Variants in EXOC6B observed in about 807,000 individuals in gnomAD.
EXOC6B encodes the protein SEC15 homolog B.
A neutral mutation model predicts 113.5 loss-of-function variants in EXOC6B; 54 were observed. The ratio of observed to expected loss-of-function variants is 0.48; its 90% CI spans 0.38 to 0.60. The LOEUF is 0.60. Ranked by LOEUF, EXOC6B falls within the 20% of genes least tolerant of loss-of-function variation. The pLI is 0.00. For missense variants in EXOC6B, 797 were observed against 977.5 expected (o/e 0.82, Z 2.46); for synonymous variants, 357 against 339.0 (o/e 1.05, Z -0.58).
chr2:72,484,521 C>G (rs1286850084), intron 16 of EXOC6B, among the ~76,000 whole-genome samples: 3 of 146,922 alleles, frequency 2.0e-5, no homozygotes, highest in African/African-American at 7.6e-5. Flanking sequence ...GAGCCGAGAT[C>G]ACGCCACTGC....
At chr2:72,491,990 T>C (rs547312159) in intron 16 of EXOC6B, among the ~76,000 whole-genome samples, 1 of 152,290 alleles carries the variant, frequency 6.6e-6, no homozygotes, top group East Asian at 1.9e-4. Flanking sequence ...ATTCACTTGA[T>C]TGGAACCTGA....
intron 18 of EXOC6B, among the ~76,000 whole-genome samples, chr2:72,386,530 T>A (rs953248958): frequency 3.3e-5 from 5 of 152,234 alleles, no homozygotes; most frequent in Non-Finnish European, 5.9e-5. Context: ...CTCACTACCC[T>A]GTGCAGCCTC....
At chr2:72,524,163 A>C (rs553400392) in intron 8 of EXOC6B, among the ~76,000 whole-genome samples, 4 of 152,138 alleles carry the variant, frequency 2.6e-5, no homozygotes, top group Admixed American at 6.5e-5. Flanking sequence ...AAAAAAAAAA[A>C]AAAAAAAACT....
At chr2:72,193,481 C>T (rs1055121015) in intron 20 of EXOC6B, among the ~76,000 whole-genome samples, 6 of 152,060 alleles carry the variant, frequency 3.9e-5, no homozygotes, top group Non-Finnish European at 8.8e-5. Context: ...GGGCTTATTT[C>T]GACAAACATA....
intron 20 of EXOC6B, among the ~76,000 whole-genome samples, chr2:72,253,795 T>C (rs1180332325): frequency 6.6e-6 from 1 of 152,106 alleles, no homozygotes; most frequent in African/African-American, 2.4e-5. Flanking sequence ...TGAACCCCTA[T>C]GACATGCAAT....
At chr2:72,500,913 C>A (rs1700285009) in intron 11 of EXOC6B, among the ~76,000 whole-genome samples, 2 of 152,090 alleles carry the variant, frequency 1.3e-5, no homozygotes, top group South Asian at 4.1e-4. Flanking sequence ...TTGTTTTATA[C>A]ATATTGATGC....
chr2:72,565,691 A>G (rs934032166), intron 7 of EXOC6B, among the ~76,000 whole-genome samples: 1 of 152,168 alleles, frequency 6.6e-6, no homozygotes, highest in Non-Finnish European at 1.5e-5. Flanking sequence ...CCTTATTAAG[A>G]TACTCAACTT....
chr2:72,752,296 C>T, intron 1 of EXOC6B, among the ~76,000 whole-genome samples: 1 of 152,102 alleles, frequency 6.6e-6, no homozygotes, highest in Non-Finnish European at 1.5e-5. Flanking sequence ...CTTCTTATCT[C>T]TATGAAATAG....
intron 6 of EXOC6B, among the ~76,000 whole-genome samples, chr2:72,636,331 G>GGGAGGGAAGGAGGGAAGGAAGGAA (rs1553457124): frequency 1.2e-5 from 1 of 80,810 alleles, no homozygotes; most frequent in Non-Finnish European, 2.6e-5. Flanking sequence ...GAGGGAAGGA[G>GGGAGGGAAGGAGGGAAGGAAGGAA]GGAAGGAAGG....
intron 18 of EXOC6B, among the ~76,000 whole-genome samples, chr2:72,446,518 G>A (rs955694203): frequency 6.6e-6 from 1 of 152,118 alleles, no homozygotes; most frequent in Non-Finnish European, 1.5e-5. Context: ...AACTAAAGCA[G>A]GAACAGAAAA....
intron 6 of EXOC6B, among the ~76,000 whole-genome samples, chr2:72,630,043 T>G (rs1672292036): frequency 6.6e-6 from 1 of 152,186 alleles, no homozygotes; most frequent in African/African-American, 2.4e-5. Flanking sequence ...CTCAACAAAT[T>G]GCAAGCCTTA....
At chr2:72,250,413 G>A (rs919165025) in intron 20 of EXOC6B, among the ~76,000 whole-genome samples, 4 of 152,064 alleles carry the variant, frequency 2.6e-5, no homozygotes, top group African/African-American at 9.7e-5. Context: ...CATGATCTTG[G>A]CTCATTGCAA....
chr2:72,588,149 T>G (rs890039909), intron 6 of EXOC6B, among the ~76,000 whole-genome samples: 2 of 152,078 alleles, frequency 1.3e-5, no homozygotes, highest in African/African-American at 4.8e-5. Flanking sequence ...AAAATGAAAT[T>G]AAAACATTAT....
chr2:72,711,737 C>A (rs1381838128), intron 6 of EXOC6B, among the ~76,000 whole-genome samples: 1 of 152,098 alleles, frequency 6.6e-6, no homozygotes, highest in Non-Finnish European at 1.5e-5. Flanking sequence ...TGAACACAAG[C>A]AGTCAATACC....
At chr2:72,460,632 G>T (rs1697570896) in intron 18 of EXOC6B, among the ~76,000 whole-genome samples, 1 of 152,202 alleles carries the variant, frequency 6.6e-6, no homozygotes, top group Non-Finnish European at 1.5e-5. Context: ...GGTCATCAAA[G>T]AAATGCAAAT....
At chr2:72,394,932 G>C (rs1318921924) in intron 18 of EXOC6B, among the ~76,000 whole-genome samples, 1 of 152,002 alleles carries the variant, frequency 6.6e-6, no homozygotes, top group Non-Finnish European at 1.5e-5. Context: ...TTTAAGTGGA[G>C]CCCTCCCAGA....
chr2:72,480,112 G>A (rs1698987561), intron 17 of EXOC6B, among the ~76,000 whole-genome samples: 1 of 151,914 alleles, frequency 6.6e-6, no homozygotes, highest in African/African-American at 2.4e-5. Flanking sequence ...GATGAGGCAT[G>A]AGAACTACTT....
chr2:72,499,539 T>G (rs1260074633), intron 12 of EXOC6B, among the ~76,000 whole-genome samples: 5 of 151,296 alleles, frequency 3.3e-5, no homozygotes, highest in Non-Finnish European at 7.4e-5. Context: ...TCAGATTTTT[T>G]TTTTTTTTTT....
At chr2:72,548,948 C>T in intron 8 of EXOC6B, among the ~76,000 whole-genome samples, 1 of 151,922 alleles carries the variant, frequency 6.6e-6, no homozygotes, top group East Asian at 1.9e-4. Context: ...GGAGGCGGAG[C>T]TTGCAGTGAG....
Sources: allele counts gnomAD v4.1 joint callset (sites outside exome capture counted in the v4.1 genomes callset), GRCh38; gene constraint gnomAD v4.1.1; transcripts MANE v1.5; gene names NCBI Gene and HGNC (gene_info 2026-07-23, HGNC 2026-07-21).